BCAT2: variants seen among roughly 807,000 people sequenced by gnomAD.
BCAT2 encodes the protein branched-chain-amino-acid aminotransferase, mitochondrial.
In BCAT2, 44 loss-of-function variants were observed where a neutral mutation model predicts 52.9. That is an observed-to-expected ratio of 0.83 (90% confidence interval 0.65 to 1.07). BCAT2 has a LOEUF of 1.07. Among genes scored for constraint, BCAT2 ranks in the 50% least tolerant of loss-of-function variants. BCAT2 has a pLI of 0.00. For missense variants in BCAT2, 478 were observed against 521.8 expected (o/e 0.92, Z 0.82); for synonymous variants, 215 against 217.1 (o/e 0.99, Z 0.08).
intron 3 of BCAT2, among the ~76,000 whole-genome samples, chr19:48,800,717 G>A (rs2034639938): frequency 6.6e-6 from 1 of 152,106 alleles, no homozygotes; most frequent in Non-Finnish European, 1.5e-5. Flanking sequence ...AAGGTGGTGG[G>A]AGGATCACTT....
intron 6 of BCAT2, chr19:48,797,538 A>G (rs1599793792): frequency 3.4e-6 from 2 of 593,910 alleles, no homozygotes. Flanking sequence ...GTCTCTTCCC[A>G]CTTTTCTTTC....
In BCAT2 at chr19:48,795,408, G is replaced by C. The variant is rs2034481059; in HGVS notation, c.*18C>G. On this transcript the variant is annotated 3_prime_UTR_variant, in exon 11 of 11. Coordinates refer to ENST00000316273, the MANE Select transcript of BCAT2 (RefSeq NM_001190.4). ...CGAGATGCTACGGGTCGGTGGATCT[G>C]GAGCACAGCCTGCAGCTTCACACCG... is the stretch of plus-strand genomic sequence containing the variant. 1.2e-6 allele frequency: 2 copies of C among 1,613,896 alleles called. No homozygotes were observed. The highest frequency in any genetic ancestry group is 1.7e-6 in the Non-Finnish European group (2 of 1,179,974).
At position 48,799,896 on chromosome 19, in the gene BCAT2, C is replaced by T; in HGVS notation, c.532-58G>A. The T allele has an allele frequency of 6.3e-7, 1 of 1,591,174 alleles. No individual in the cohort carries two copies. Among genetic ancestry groups the T allele is most frequent in the Non-Finnish European group, 8.5e-7 (1 of 1,169,682 alleles). On this transcript the variant is annotated intron_variant, in intron 5 of 10. Coordinates refer to ENST00000316273, the MANE Select transcript of BCAT2 (RefSeq NM_001190.4). This position sits in a 1 kb window ranked among gnomAD's most constrained non-coding sequence, Gnocchi z 5.5. ...CAGGCCCCCAGTCCCTTCCCGTCCC[C>T]AGGCCCAGGCCTCCAGGACCCCACC...
chr19:48,806,429 A>C, intron 3 of BCAT2, 88 bp downstream of exon 3: 3 of 1,520,130 alleles, frequency 2.0e-6, no homozygotes, highest in East Asian at 4.5e-5. Flanking sequence ...CACAACAAAC[A>C]AACCAAGAGA....
Position 48,807,107 on chromosome 19 carries a change from G to A in BCAT2, c.25-33C>T. The stretch of plus-strand genomic sequence containing the variant: ...GAGAAAGAAGTGAGAGAGGGGGTGA[G>A]TGGGGCACAGCAGGGGCCCTGGCAG... On this transcript the variant is annotated intron_variant, in intron 1 of 10. Transcript: ENST00000316273. This position sits in a 1 kb window ranked among gnomAD's most constrained non-coding sequence, Gnocchi z 4.6. 1 of 1,585,382 alleles carries A rather than the reference G, an allele frequency of 6.3e-7. No homozygotes were observed. Among genetic ancestry groups the A allele is most frequent in the South Asian group, 1.1e-5 (1 of 89,012 alleles).
chr19:48,796,112 G>A (rs1260015357), intron 10 of BCAT2: 4 of 486,270 alleles, frequency 8.2e-6, no homozygotes, highest in East Asian at 3.2e-5. Context: ...GCACCCAGGG[G>A]CCTCAGAGGC....
intron 10 of BCAT2, chr19:48,795,773 CAA>C: frequency 2.4e-6 from 1 of 423,934 alleles, no homozygotes; most frequent in Admixed American, 4.0e-5. Context: ...TCCTGATGCA[CAA>C]AAGTTTACAG....
rs753745078 is a variant in BCAT2 at position 48,797,144 on chromosome 19, GCCACCCACTTC to G, written c.838+36_838+46del. The G allele has an allele frequency of 1.9e-6, 3 of 1,610,100 alleles. No homozygotes were observed. The Admixed American group carries it at 5.1e-5, about 27-fold the overall frequency. On this transcript the variant is annotated intron_variant, in intron 7 of 10. Coordinates refer to ENST00000316273, the MANE Select transcript of BCAT2 (RefSeq NM_001190.4). ...CCTGTAACCTGCCAGGAATGATGGTGCCACCCACTTCCACCAGGGTTCGGGCTGGGTCATGG... is the reference window on the plus strand; with the variant it reads ...CCTGTAACCTGCCAGGAATGATGGTGCACCAGGGTTCGGGCTGGGTCATGG...
rs764611365 is a variant in BCAT2 at position 48,795,435 on chromosome 19, G to C, written c.1170C>G (p.Phe390Leu). 16 of 1,614,026 alleles carry C rather than the reference G, an allele frequency of 9.9e-6. No homozygotes were observed. The South Asian group carries it at 1.6e-4, about 17-fold the overall frequency. ...AGCACAGCCTGCAGCTTCACACCGG[G>C]AACATCCACTCGTGGGCTCTGATTC... is the stretch of plus-strand genomic sequence containing the variant. ...QYGIRAHEWM[F>L]PV The change falls in exon 11 of 11, where the codon TTC becomes TTG. Residue 390 changes from phenylalanine to leucine, a missense_variant. Physicochemically the swap from Phe to Leu is conservative, Grantham distance 22. Transcript: ENST00000316273.
chr19:48,800,857 A>ATCTG (rs1231336628), intron 3 of BCAT2, among the ~76,000 whole-genome samples: 1 of 151,930 alleles, frequency 6.6e-6, no homozygotes, highest in Non-Finnish European at 1.5e-5. Flanking sequence ...CTTGTTCAGC[A>ATCTG]TCTGCTCCAC....
chr19:48,806,623 A>T lies in BCAT2; in HGVS notation c.194T>A (p.Met65Lys). Reference protein sequence around the residue: ...LVFGKTFTDHMLMVEWNDKGW... With the variant: ...LVFGKTFTDHKLMVEWNDKGW... ...CTTGTCATTCCATTCCACCATCAGCATGTGGTCGGTAAATGTCTTCCCAAA... is the reference window on the plus strand; with the variant it reads ...CTTGTCATTCCATTCCACCATCAGCTTGTGGTCGGTAAATGTCTTCCCAAA... The change falls in exon 3 of 11, where the codon ATG becomes AAG. Residue 65 changes from methionine (M) to lysine (K), a missense_variant. By Grantham distance (95) the Met-to-Lys change is moderately conservative (BLOSUM62 -1). Coordinates refer to ENST00000316273, the MANE Select transcript of BCAT2 (RefSeq NM_001190.4). 1 of 1,614,136 alleles carries T rather than the reference A, an allele frequency of 6.2e-7. No individual in the cohort carries two copies. Among genetic ancestry groups the T allele is most frequent in the Non-Finnish European group, 8.5e-7 (1 of 1,180,022 alleles).
intron 3 of BCAT2, among the ~76,000 whole-genome samples, chr19:48,800,977 TTTTG>T (rs1418962683): frequency 1.0e-4 from 1 of 9,832 alleles, no homozygotes; most frequent in Non-Finnish European, 2.0e-4. Context: ...CAGAGTGTTT[TTTTG>T]TTTTGTTTTG....
In BCAT2 at chr19:48,799,567, T is replaced by C; in HGVS notation, c.695+108A>G. ...ACTGAGCCCTGCACGGTGCTGATGA[T>C]GTCACCTTCATGTGACATCCAGAGG... On this transcript the variant is annotated intron_variant, in intron 6 of 10. Coordinates refer to ENST00000316273, the MANE Select transcript of BCAT2 (RefSeq NM_001190.4). The surrounding 1 kb of genome is among the most constrained non-coding windows in gnomAD (Gnocchi z 5.5). 3 of 1,364,114 alleles carry C rather than the reference T, an allele frequency of 2.2e-6. No individual in the cohort carries two copies. The highest frequency in any genetic ancestry group is 9.8e-7 in the Non-Finnish European group (1 of 1,024,800). The allele number at this position is 1,364,114 out of a possible 1,614,324, so 84.5% of individuals were successfully genotyped here. A position where few individuals can be genotyped will look rare whatever the true frequency, so the allele number is the denominator to read the frequency against.
At chr19:48,810,694 C>T (rs1325134925) in intron 1 of BCAT2, 35 of 881,576 alleles carry the variant, frequency 4.0e-5, no homozygotes, top group Non-Finnish European at 5.1e-5. Flanking sequence ...AACCTCCCCA[C>T]CCCCACGCCT....
In BCAT2 at chr19:48,799,042, G is replaced by GCTGA. The variant is rs1422958199; in HGVS notation, c.695+629_695+632dup. 6.6e-6 allele frequency: 1 copy of GCTGA among 152,310 alleles called. No individual in the cohort carries two copies. The highest frequency in any genetic ancestry group is 2.4e-5 in the African/African-American group (1 of 41,430). 9.4% of individuals were successfully genotyped at this position (152,310 alleles called of 1,614,324 possible). Reference sequence around the variant, plus strand: ...GAGACCCAGGAGAGCAGGGCTCGGGGCTGACTCATCTGTGTCCCCAGCTTC... The same window carrying GCTGA: ...GAGACCCAGGAGAGCAGGGCTCGGGGCTGACTGACTCATCTGTGTCCCCAGCTTC... On this transcript the variant is annotated intron_variant, in intron 6 of 10. Transcript: ENST00000316273. The surrounding 1 kb of genome is among the most constrained non-coding windows in gnomAD (Gnocchi z 5.5).
Position 48,808,143 on chromosome 19 carries a change from T to A in BCAT2, c.25-1069A>T, listed in dbSNP as rs966197858. ...GGCCTGCAGCGTGGTCTTGCTGGTG[T>A]GAGGCTCCAGGGATTCCGGGGTGAT... On this transcript the variant is annotated intron_variant, in intron 1 of 10. Transcript: ENST00000316273. 15 of 986,794 alleles carry A rather than the reference T, an allele frequency of 1.5e-5. No homozygotes were observed. In the African/African-American group the frequency reaches 1.9e-4, roughly 13 times the overall value. The allele number at this position is 986,794 out of a possible 1,614,324, so 61.1% of individuals were successfully genotyped here. A position where few individuals can be genotyped will look rare whatever the true frequency, so the allele number is the denominator to read the frequency against.
chr19:48,804,306 G>A (rs745732393), intron 3 of BCAT2, among the ~76,000 whole-genome samples: 3 of 152,078 alleles, frequency 2.0e-5, no homozygotes, highest in Non-Finnish European at 2.9e-5. Flanking sequence ...CACTTTGGGA[G>A]GCTGAGGTGG....
Position 48,799,467 on chromosome 19 carries a change from T to G in BCAT2, c.695+208A>C. 1 of 651,438 alleles carries G rather than the reference T, an allele frequency of 1.5e-6. No individual in the cohort carries two copies. Among genetic ancestry groups the G allele is most frequent in the Non-Finnish European group, 2.4e-6 (1 of 420,754 alleles). 40.4% of individuals were successfully genotyped at this position (651,438 alleles called of 1,614,324 possible). A position where few individuals can be genotyped will look rare whatever the true frequency, so the allele number is the denominator to read the frequency against. On this transcript the variant is annotated intron_variant, in intron 6 of 10. Coordinates refer to ENST00000316273, the MANE Select transcript of BCAT2 (RefSeq NM_001190.4). The surrounding 1 kb of genome is among the most constrained non-coding windows in gnomAD (Gnocchi z 5.5). ...CAATGCCTTCCCATCTGTGAGCCTT[T>G]TTGTCCATCTGAAAAATAATCCCCT... is the stretch of plus-strand genomic sequence containing the variant.
rs780448415 is a variant in BCAT2 at position 48,800,174 on chromosome 19, C to T, written c.411+13G>A. The T allele has an allele frequency of 3.7e-6, 6 of 1,612,962 alleles. No individual in the cohort carries two copies. Among genetic ancestry groups the T allele is most frequent in the Middle Eastern group, 1.7e-4 (1 of 6,054 alleles). ...AGCCCTCCTCCCCACCCCGGTGGAC[C>T]GGGACCCCTCACCGGCAGGCACAGG... On this transcript the variant is annotated intron_variant, in intron 4 of 10. Coordinates refer to ENST00000316273, the MANE Select transcript of BCAT2 (RefSeq NM_001190.4).
Sources: gnomAD v4.1 joint callset for allele counts (sites outside exome capture counted in the v4.1 genomes callset) on GRCh38, gnomAD v4.1.1 for gene constraint, Gnocchi (gnomAD v3.1) non-coding constraint, MANE v1.5 for transcripts, NCBI Gene and HGNC (gene_info 2026-07-23, HGNC 2026-07-21) for gene names.